The following FMNL2 variants were observed in gnomAD, a reference collection of about 807,000 sequenced individuals.
FMNL2 encodes formin like 2.
A neutral mutation model predicts 130.2 loss-of-function variants in FMNL2; 51 were observed. The observed-to-expected ratio is 0.39, with a 90% confidence interval of 0.31 to 0.49. The LOEUF (loss-of-function observed/expected upper bound fraction) is 0.49, where lower values mean the gene tolerates loss of function less well. Ranked by LOEUF, FMNL2 falls within the 20% of genes least tolerant of loss-of-function variation. FMNL2 has a pLI of 0.85. For synonymous variants in FMNL2, 465 were observed against 467.1 expected (o/e 1.00, Z 0.06); for missense variants, 977 against 1,316.2 (o/e 0.74, Z 3.99).
At chr2:152,428,494 A>C (rs1218061014) in intron 1 of FMNL2, among the ~76,000 whole-genome samples, 3 of 152,078 alleles carry the variant, frequency 2.0e-5, no homozygotes, top group Non-Finnish European at 4.4e-5. Flanking sequence ...TATATTTTCC[A>C]TTTAGTTTCT....
chr2:152,579,079 A>T, intron 8 of FMNL2, 115 bp downstream of exon 8: 1 of 831,954 alleles, frequency 1.2e-6, no homozygotes, highest in South Asian at 1.7e-5. Flanking sequence ...CTGAAATAAG[A>T]TTGGCTATAA....
At chr2:152,510,709 G>A (rs1692453376) in intron 1 of FMNL2, among the ~76,000 whole-genome samples, 1 of 152,206 alleles carries the variant, frequency 6.6e-6, no homozygotes, top group Non-Finnish European at 1.5e-5. Flanking sequence ...CTAAGTGGCA[G>A]GCTAAAGGAG....
chr2:152,586,093 T>C (rs1697059696), intron 9 of FMNL2, among the ~76,000 whole-genome samples: 1 of 152,150 alleles, frequency 6.6e-6, no homozygotes, highest in East Asian at 1.9e-4. Flanking sequence ...CATCAGGATT[T>C]CGGATCAATT....
intron 1 of FMNL2, among the ~76,000 whole-genome samples, chr2:152,418,828 T>C (rs1181453613): frequency 2.0e-5 from 3 of 152,160 alleles, no homozygotes; most frequent in African/African-American, 7.2e-5. Context: ...TAACTGGAAG[T>C]GGAGTTGCTG....
At position 152,490,616 on chromosome 2, in the gene FMNL2, T is replaced by TGTGTGTGTGTGTGTGTGTG. The variant is rs70974867; in HGVS notation, c.118-31327_118-31326insGTGTGTGTGTGTGTGTGTG. On this transcript the variant is annotated intron_variant, in intron 1 of 25. Coordinates refer to ENST00000288670, the MANE Select transcript of FMNL2 (RefSeq NM_052905.4). ...GTGTGTGTGTGTGTGTGTGTGTGTG[T>TGTGTGTGTGTGTGTGTGTG]TGGATAAACTTAAAAAACCTGTTGC... Among the ~76,000 whole-genome samples, 6 of 142,012 alleles carry TGTGTGTGTGTGTGTGTGTG rather than the reference T, an allele frequency of 4.2e-5. No homozygotes were observed. The East Asian group carries it at 6.3e-4, about 15-fold the overall frequency. The allele number at this position is 142,012 out of a possible 152,430, so 93.2% of individuals were successfully genotyped here. A position where few individuals can be genotyped will look rare whatever the true frequency, so the allele number is the denominator to read the frequency against.
At position 152,542,636 on chromosome 2, in the gene FMNL2, A is replaced by G. The variant is rs556934856; in HGVS notation, c.202-103A>G. 3.5e-4 allele frequency: 384 copies of G among 1,107,540 alleles called. 1 individual carries two copies. In the African/African-American group the frequency reaches 5.3e-3, roughly 15 times the overall value. 68.6% of individuals were successfully genotyped at this position (1,107,540 alleles called of 1,614,324 possible). ...TGACTGCTCGCAGGGCCACATTTAT[A>G]CTGTGGATGCATTTTGGTCATATTT... On this transcript the variant is annotated intron_variant, in intron 2 of 25. Transcript: ENST00000288670.
chr2:152,490,778 A>G lies in FMNL2; in HGVS notation c.118-31165A>G, dbSNP rs563263030. On this transcript the variant is annotated intron_variant, in intron 1 of 25. Coordinates refer to ENST00000288670, the MANE Select transcript of FMNL2 (RefSeq NM_052905.4). ...AAAATTATCAGACTCCAAGCAAGTT[A>G]TTTATGGACCAGTGTGTGAACAGAA... is the stretch of plus-strand genomic sequence containing the variant. Among the ~76,000 whole-genome samples, 21 of 151,956 alleles carry G rather than the reference A, an allele frequency of 1.4e-4. No individual in the cohort carries two copies. In the South Asian group the frequency reaches 3.7e-3, roughly 27 times the overall value.
chr2:152,396,575 C>A (rs1159493519), intron 1 of FMNL2, among the ~76,000 whole-genome samples: 1 of 152,192 alleles, frequency 6.6e-6, no homozygotes, highest in Non-Finnish European at 1.5e-5. Context: ...ATGAGTCCTG[C>A]ATATCAGGGC....
At chr2:152,374,968 A>G (rs1684077800) in intron 1 of FMNL2, among the ~76,000 whole-genome samples, 1 of 152,238 alleles carries the variant, frequency 6.6e-6, no homozygotes, top group Non-Finnish European at 1.5e-5. Context: ...TGATGCATTT[A>G]GACTGAGGTG....
rs962739173 is a variant in FMNL2 at position 152,615,009 on chromosome 2, A to G, written c.1212+9A>G. 5.6e-6 allele frequency: 9 copies of G among 1,605,394 alleles called. No individual in the cohort carries two copies. The highest frequency in any genetic ancestry group is 1.1e-5 in the South Asian group (1 of 89,246). On this transcript the variant is annotated intron_variant, in intron 12 of 25. Coordinates refer to ENST00000288670, the MANE Select transcript of FMNL2 (RefSeq NM_052905.4). ...AAGAAAACATTTCTCATGTAACTAT[A>G]TCTCAGAAAAGGAAAAATTGCTTAC... is the stretch of plus-strand genomic sequence containing the variant.
intron 23 of FMNL2, among the ~76,000 whole-genome samples, chr2:152,638,040 A>G (rs903377156): frequency 6.6e-6 from 1 of 152,190 alleles, no homozygotes. Context: ...GGCTGTGGTG[A>G]AGGTGCATGA....
At chr2:152,494,487 G>A (rs773490951) in intron 1 of FMNL2, among the ~76,000 whole-genome samples, 1 of 152,152 alleles carries the variant, frequency 6.6e-6, no homozygotes, top group African/African-American at 2.4e-5. Context: ...ATGTGATTGT[G>A]TTTTTCCTGT....
At chr2:152,497,214 T>C (rs1691563483) in intron 1 of FMNL2, among the ~76,000 whole-genome samples, 1 of 152,248 alleles carries the variant, frequency 6.6e-6, no homozygotes, top group African/African-American at 2.4e-5. Flanking sequence ...ACAATGTGTT[T>C]ACTTATTTGT....
intron 1 of FMNL2, among the ~76,000 whole-genome samples, chr2:152,436,765 G>A (rs1426632186): frequency 6.6e-6 from 1 of 152,140 alleles, no homozygotes; most frequent in Non-Finnish European, 1.5e-5. Context: ...AAATGGCCTG[G>A]TAAATGTAGT....
intron 9 of FMNL2, among the ~76,000 whole-genome samples, chr2:152,582,494 C>CT (rs957935254): frequency 4.6e-5 from 7 of 151,602 alleles, no homozygotes; most frequent in African/African-American, 1.2e-4. Context: ...CAAATATTAT[C>CT]TTTTTTTTTC....
intron 1 of FMNL2, among the ~76,000 whole-genome samples, chr2:152,361,184 G>GT (rs1683150201): frequency 2.0e-5 from 3 of 151,898 alleles, no homozygotes; most frequent in South Asian, 2.1e-4. Context: ...TTTATTCTTT[G>GT]ATAACTTCTA....
intron 1 of FMNL2, among the ~76,000 whole-genome samples, chr2:152,517,754 T>C (rs1692855675): frequency 6.6e-6 from 1 of 152,238 alleles, no homozygotes; most frequent in African/African-American, 2.4e-5. Context: ...AAATATCATA[T>C]GTCTTCCATC....
intron 1 of FMNL2, among the ~76,000 whole-genome samples, chr2:152,452,171 C>G (rs77679560): frequency 6.6e-6 from 1 of 152,118 alleles, no homozygotes; most frequent in African/African-American, 2.4e-5. Context: ...TCCCCATCCC[C>G]GAAAGACAGT....
intron 2 of FMNL2, among the ~76,000 whole-genome samples, chr2:152,529,774 A>T (rs2105437736): frequency 6.6e-6 from 1 of 152,260 alleles, no homozygotes; most frequent in Non-Finnish European, 1.5e-5. Flanking sequence ...CAGGGGAGAG[A>T]AAAAGGGAGA....
Sources: gnomAD v4.1 joint callset for allele counts (sites outside exome capture counted in the v4.1 genomes callset) on GRCh38, gnomAD v4.1.1 for gene constraint, MANE v1.5 for transcripts, NCBI Gene and HGNC (gene_info 2026-07-23, HGNC 2026-07-21) for gene names.